The following B3GLCT variants were observed in gnomAD, a reference collection of about 807,000 sequenced individuals.
The protein encoded by B3GLCT is beta-1,3-glucosyltransferase.
A neutral mutation model predicts 63.4 loss-of-function variants in B3GLCT; 65 were observed. The observed-to-expected ratio is 1.03, with a 90% CI of 0.84 to 1.26. The LOEUF (loss-of-function observed/expected upper bound fraction) is 1.26. Among genes scored for constraint, B3GLCT ranks in the 50% most tolerant of loss-of-function variants. The pLI, the probability that B3GLCT is intolerant of heterozygous loss-of-function variation, is 0.00. For synonymous variants in B3GLCT, 233 were observed against 219.2 expected, an observed-to-expected ratio of 1.06 and a Z score of -0.55; for missense variants, 577 against 604.8, an observed-to-expected ratio of 0.95 and a Z score of 0.48.
chr13:31,215,521 C>T (rs1200098312), intron 2 of B3GLCT, among the ~76,000 whole-genome samples: 1 of 152,138 alleles, frequency 6.6e-6, no homozygotes, highest in Non-Finnish European at 1.5e-5. Context: ...TCAAGCGATT[C>T]TCCTGTCTCA....
At chr13:31,213,616 AC>A (rs1243633056) in intron 1 of B3GLCT, among the ~76,000 whole-genome samples, 128 of 56,862 alleles carry the variant, frequency 2.3e-3, no homozygotes, top group African/African-American at 8.6e-3. Flanking sequence ...ACACCCCCCC[AC>A]CCCACCCCCC....
chr13:31,321,003 A>G (rs920861499), intron 13 of B3GLCT, among the ~76,000 whole-genome samples: 5 of 152,226 alleles, frequency 3.3e-5, no homozygotes, highest in Non-Finnish European at 1.5e-5. Flanking sequence ...AACCATTATC[A>G]TTTAATTGCC....
At chr13:31,213,149 C>T (rs1869364860) in intron 1 of B3GLCT, among the ~76,000 whole-genome samples, 2 of 152,200 alleles carry the variant, frequency 1.3e-5, no homozygotes, top group African/African-American at 4.8e-5. Flanking sequence ...TAGGCGCTGC[C>T]TGGTATAGAG....
chr13:31,259,233 CCTT>C (rs1255661063), intron 6 of B3GLCT, among the ~76,000 whole-genome samples: 5 of 152,150 alleles, frequency 3.3e-5, no homozygotes, highest in African/African-American at 1.2e-4. Context: ...CTGTGCATCT[CCTT>C]CTATTTTTCA....
chr13:31,267,696 T>C (rs986792184), intron 7 of B3GLCT, among the ~76,000 whole-genome samples: 4 of 152,186 alleles, frequency 2.6e-5, no homozygotes, highest in African/African-American at 9.7e-5. Context: ...ATGAAGCACA[T>C]TTATCCTGTG....
intron 12 of B3GLCT, among the ~76,000 whole-genome samples, chr13:31,309,284 A>G (rs968450548): frequency 7.2e-5 from 11 of 152,208 alleles, no homozygotes; most frequent in Admixed American, 7.2e-4. Context: ...TTCTTATACC[A>G]CAACAATCAA....
At chr13:31,274,376 A>G (rs1238899587) in intron 8 of B3GLCT, 133 bp from the exon 9 acceptor site, 3 of 1,146,888 alleles carry the variant, frequency 2.6e-6, no homozygotes, top group Non-Finnish European at 3.9e-6. Flanking sequence ...CCTGTTGAAT[A>G]CTGACAAATT....
chr13:31,284,368 C>CAT (rs1468097117), intron 10 of B3GLCT, among the ~76,000 whole-genome samples: 1 of 152,142 alleles, frequency 6.6e-6, no homozygotes, highest in East Asian at 1.9e-4. Context: ...AACACAATAG[C>CAT]ATAATCAAAC....
At position 31,274,621 on chromosome 13, in the gene B3GLCT, C is replaced by T. The variant is rs376636701; in HGVS notation, c.773C>T (p.Pro258Leu). 119 of 1,614,004 alleles carry T rather than the reference C, an allele frequency of 7.4e-5. No individual in the cohort carries two copies. The highest frequency in any genetic ancestry group is 1.6e-4 in the Middle Eastern group (1 of 6,084). ...YCATTFHSFL[P>L]LCRKPVKKKD... is the part of the protein sequence containing the mutation. The stretch of plus-strand genomic sequence containing the variant: ...GCTACCACATTCCATTCTTTTCTAC[C>T]GCTTTGTGTGAGTAACAGAAGAAAA... The change falls in exon 9 of 15, where the codon CCG (proline) becomes CTG (leucine). Residue 258 changes from proline (P) to leucine (L), a missense_variant. Pro to Leu is a moderately conservative substitution (Grantham distance 98). Transcript: ENST00000343307.
chr13:31,292,155 G>A (rs921845887), intron 12 of B3GLCT, among the ~76,000 whole-genome samples: 4 of 152,186 alleles, frequency 2.6e-5, no homozygotes, highest in African/African-American at 9.7e-5. Flanking sequence ...TGCATCCCAG[G>A]TATGAAGCTG....
chr13:31,262,440 G>C (rs1872084747), intron 7 of B3GLCT, among the ~76,000 whole-genome samples: 1 of 152,210 alleles, frequency 6.6e-6, no homozygotes. Context: ...TTCATTCTTA[G>C]AAGGGTCAAG....
Position 31,331,175 on chromosome 13 carries a change from T to A in B3GLCT, c.*1507T>A, listed in dbSNP as rs1875904245. On this transcript the variant is annotated 3_prime_UTR_variant, in exon 15 of 15. Transcript: ENST00000343307. ...AAGCCTATACTGATGGCCTTAGCTT[T>A]GTTCAGTCATTGTAACTGGGATTGT... 6.6e-6 allele frequency: 1 copy of A among 152,258 alleles called. No individual in the cohort carries two copies. The highest frequency in any genetic ancestry group is 2.4e-5 in the African/African-American group (1 of 41,462). The allele number at this position is 152,258 out of a possible 1,614,324, so 9.4% of individuals were successfully genotyped here.
chr13:31,224,419 A>G (rs775188728), intron 3 of B3GLCT, among the ~76,000 whole-genome samples: 6 of 152,160 alleles, frequency 3.9e-5, no homozygotes, highest in Non-Finnish European at 7.4e-5. Context: ...TATTCTTGCA[A>G]TTGCACATGG....
At chr13:31,320,171 C>T (rs929952341) in intron 13 of B3GLCT, among the ~76,000 whole-genome samples, 1 of 152,222 alleles carries the variant, frequency 6.6e-6, no homozygotes, top group African/African-American at 2.4e-5. Context: ...TCCTGTCTCC[C>T]CTCTGCTCAG....
intron 3 of B3GLCT, 66 bp from the exon 4 acceptor site, chr13:31,229,119 G>C (rs1380689162): frequency 2.8e-6 from 3 of 1,068,808 alleles, no homozygotes; most frequent in Non-Finnish European, 4.2e-6. Flanking sequence ...TTTTTCACTT[G>C]TTTTCAAGTT....
chr13:31,211,833 A>G (rs1047467622), intron 1 of B3GLCT, among the ~76,000 whole-genome samples: 1 of 152,204 alleles, frequency 6.6e-6, no homozygotes, highest in African/African-American at 2.4e-5. Flanking sequence ...TACATTAGTA[A>G]TTTTCAGAAC....
intron 4 of B3GLCT, among the ~76,000 whole-genome samples, chr13:31,234,043 A>T (rs1166817516): frequency 2.7e-5 from 4 of 149,784 alleles, no homozygotes; most frequent in African/African-American, 7.4e-5. Flanking sequence ...TTTGAGATAG[A>T]GTCTCACTCT....
chr13:31,276,850 G>C, intron 10 of B3GLCT, 79 bp downstream of exon 10: 2 of 1,118,628 alleles, frequency 1.8e-6, no homozygotes, highest in Non-Finnish European at 2.7e-6. Flanking sequence ...GAATTCTTGA[G>C]TGTAAATTCA....
chr13:31,282,715 G>T (rs1185150838), intron 10 of B3GLCT, among the ~76,000 whole-genome samples: 1 of 151,716 alleles, frequency 6.6e-6, no homozygotes, highest in Non-Finnish European at 1.5e-5. Context: ...TGTACAAACT[G>T]TTGAATGCTT....
Sources: allele counts gnomAD v4.1 joint callset (sites outside exome capture counted in the v4.1 genomes callset), GRCh38; gene constraint gnomAD v4.1.1; transcripts MANE v1.5; gene names NCBI Gene and HGNC (gene_info 2026-07-23, HGNC 2026-07-21).